The following EFL1 variants were observed in gnomAD, a reference collection of about 807,000 sequenced individuals.
EFL1 encodes elongation factor-like GTPase 1.
A neutral mutation model predicts 126.7 loss-of-function variants in EFL1; 76 were observed. The observed-to-expected ratio is 0.60, with a 90% CI of 0.50 to 0.73. EFL1 has a LOEUF of 0.73. Ranked by LOEUF, EFL1 falls within the 30% of genes least tolerant of loss-of-function variation. The pLI is 0.00. For missense variants in EFL1, 1,128 were observed against 1,343.2 expected (o/e 0.84, Z 2.50); for synonymous variants, 410 against 448.4 (o/e 0.91, Z 1.08).
chr15:82,166,556 G>C (rs547670753), intron 15 of EFL1, among the ~76,000 whole-genome samples: 11 of 152,128 alleles, frequency 7.2e-5, no homozygotes, highest in Non-Finnish European at 1.3e-4. Context: ...TCACTATAAA[G>C]TGACTTTAAA....
chr15:82,210,185 C>T (rs1459354455), intron 15 of EFL1, among the ~76,000 whole-genome samples: 2 of 152,206 alleles, frequency 1.3e-5, no homozygotes, highest in African/African-American at 2.4e-5. Context: ...AAATTATCTA[C>T]GATTAGCAAT....
chr15:82,261,568 AAAG>A lies in EFL1; in HGVS notation c.91+117_91+119del, dbSNP rs1468909780. On this transcript the variant is annotated intron_variant, in intron 2 of 19. Transcript: ENST00000268206. Reference sequence around the variant, plus strand: ...CTAACATCACACAAAACTTTTAAAGAAAGAAGACTTGCTTCTTAGCAAACATCA... The same window carrying A: ...CTAACATCACACAAAACTTTTAAAGAAAGACTTGCTTCTTAGCAAACATCA... The A allele has an allele frequency of 7.2e-6, 7 of 978,590 alleles. No individual in the cohort carries two copies. In the East Asian group the frequency reaches 7.6e-5, roughly 11 times the overall value. The allele number at this position is 978,590 out of a possible 1,614,324, so 60.6% of individuals were successfully genotyped here.
Position 82,152,062 on chromosome 15 carries a change from C to T in EFL1, c.2392G>A (p.Glu798Lys). 6.2e-7 allele frequency: 1 copy of T among 1,614,134 alleles called. No individual in the cohort carries two copies. The highest frequency in any genetic ancestry group is 1.1e-5 in the South Asian group (1 of 91,082). ...NTHMIHQKTQ[E>K]KIWEFKGKLE... The stretch of plus-strand genomic sequence containing the variant: ...TTTCCTTTGAATTCCCAAATTTTCT[C>T]TTGGGTCTTCTGATGAATCATGTGA... Residue 798 changes from glutamate to lysine, a missense_variant, in exon 18 of 20, where the codon GAG becomes AAG. Glu to Lys is a moderately conservative substitution (Grantham distance 56). This residue lies in a region of EFL1 where 561 missense variants were observed against 641.7 expected (regional missense o/e 0.87). Transcript: ENST00000268206.
intron 16 of EFL1, among the ~76,000 whole-genome samples, chr15:82,162,540 G>T (rs771006753): frequency 6.6e-6 from 1 of 152,126 alleles, no homozygotes; most frequent in Non-Finnish European, 1.5e-5. Flanking sequence ...ACAAAATCAC[G>T]AAAGGCCAGG....
chr15:82,231,053 C>G, intron 7 of EFL1, 82 bp from the exon 8 acceptor site: 2 of 1,479,422 alleles, frequency 1.4e-6, no homozygotes, highest in Non-Finnish European at 1.8e-6. Flanking sequence ...CTTCTTTACA[C>G]GTGTATTACT....
intron 4 of EFL1, among the ~76,000 whole-genome samples, chr15:82,252,275 A>T (rs2075029359): frequency 6.6e-6 from 1 of 152,202 alleles, no homozygotes; most frequent in Non-Finnish European, 1.5e-5. Flanking sequence ...AAATTCCTAG[A>T]AGTGTTACTA....
At chr15:82,171,962 T>C (rs2074140587) in intron 15 of EFL1, among the ~76,000 whole-genome samples, 2 of 151,662 alleles carry the variant, frequency 1.3e-5, no homozygotes. Flanking sequence ...AAATTTTAAG[T>C]ATATGTAAAC....
In EFL1 at chr15:82,230,708, C is replaced by T. The variant is rs183927786; in HGVS notation, c.855+140G>A. 7.2e-5 allele frequency: 70 copies of T among 973,734 alleles called. No homozygotes were observed. In the African/African-American group the frequency reaches 9.3e-4, roughly 13 times the overall value. The allele number at this position is 973,734 out of a possible 1,614,324, so 60.3% of individuals were successfully genotyped here. A position where few individuals can be genotyped will look rare whatever the true frequency, so the allele number is the denominator to read the frequency against. On this transcript the variant is annotated intron_variant, in intron 8 of 19. Coordinates refer to ENST00000268206, the MANE Select transcript of EFL1 (RefSeq NM_024580.6). ...TGTATATGGACTTGTAAGCCTTTCC[C>T]AATTATATACAGTAAAAAATCCCTC... is the stretch of plus-strand genomic sequence containing the variant.
At chr15:82,231,187 T>C (rs1431977330) in intron 7 of EFL1, among the ~76,000 whole-genome samples, 2 of 152,162 alleles carry the variant, frequency 1.3e-5, no homozygotes, top group South Asian at 2.1e-4. Context: ...CCAAAGCCCA[T>C]GTTCAGGTCT....
chr15:82,132,551 G>T (rs943849400), intron 19 of EFL1, among the ~76,000 whole-genome samples: 1 of 151,832 alleles, frequency 6.6e-6, no homozygotes, highest in Non-Finnish European at 1.5e-5. Context: ...CAGCCAGGGG[G>T]CACAGAGGCA....
chr15:82,239,115 A>G (rs1173082183), intron 6 of EFL1, among the ~76,000 whole-genome samples: 2 of 152,250 alleles, frequency 1.3e-5, no homozygotes, highest in East Asian at 3.9e-4. Context: ...AATGCAGGGC[A>G]GGAGTTATTT....
chr15:82,192,045 C>T (rs1276258251), intron 15 of EFL1, among the ~76,000 whole-genome samples: 1 of 151,882 alleles, frequency 6.6e-6, no homozygotes. Flanking sequence ...AAGATAACAC[C>T]TAGTAGGAAT....
chr15:82,174,808 C>A (rs2074177334), intron 15 of EFL1, among the ~76,000 whole-genome samples: 1 of 152,204 alleles, frequency 6.6e-6, no homozygotes, highest in Non-Finnish European at 1.5e-5. Context: ...TCACCCGATG[C>A]CACTCCTGTG....
At chr15:82,243,617 C>G (rs1381753117) in intron 4 of EFL1, among the ~76,000 whole-genome samples, 14 of 99,222 alleles carry the variant, frequency 1.4e-4, no homozygotes, top group African/African-American at 5.8e-4. Flanking sequence ...GAGACTGGGT[C>G]TCCAGTCAAG....
intron 18 of EFL1, among the ~76,000 whole-genome samples, chr15:82,150,073 T>C (rs1269424577): frequency 6.6e-6 from 1 of 152,210 alleles, no homozygotes; most frequent in South Asian, 2.1e-4. Context: ...TCCATGGCTG[T>C]TAATAGGCAT....
intron 6 of EFL1, 86 bp from the exon 7 acceptor site, chr15:82,238,607 G>C (rs1197753311): frequency 8.4e-7 from 1 of 1,186,910 alleles, no homozygotes; most frequent in South Asian, 1.5e-5. Flanking sequence ...CTGTGTTAGG[G>C]CTAGAATCAT....
intron 18 of EFL1, among the ~76,000 whole-genome samples, chr15:82,142,139 C>T (rs1045446032): frequency 6.6e-6 from 1 of 152,166 alleles, no homozygotes; most frequent in Non-Finnish European, 1.5e-5. Flanking sequence ...CTCTTGACTG[C>T]AAATACTTTC....
At position 82,259,075 on chromosome 15, in the gene EFL1, A is replaced by T. The variant is rs745966804; in HGVS notation, c.159+13T>A. 5.6e-6 allele frequency: 9 copies of T among 1,611,214 alleles called. No homozygotes were observed. The highest frequency in any genetic ancestry group is 3.3e-5 in the Admixed American group (2 of 59,936). On this transcript the variant is annotated intron_variant, in intron 3 of 19. Transcript: ENST00000268206. ...ACTGAAATGCAACAAGTATTTATAA[A>T]ATAATAACATACCTTGCCTGCTAGG...
chr15:82,195,662 T>C (rs925106985), intron 15 of EFL1, among the ~76,000 whole-genome samples: 6 of 152,194 alleles, frequency 3.9e-5, no homozygotes, highest in African/African-American at 1.4e-4. Flanking sequence ...GAATATCTCC[T>C]AGAACTTCCA....
Sources: allele counts gnomAD v4.1 joint callset (sites outside exome capture counted in the v4.1 genomes callset), GRCh38; gene constraint gnomAD v4.1.1; regional missense constraint gnomAD v4.1.1; transcripts MANE v1.5; gene names NCBI Gene and HGNC (gene_info 2026-07-23, HGNC 2026-07-21).